The following CELF2 variants were observed in gnomAD, a reference collection of about 807,000 sequenced individuals.
CELF2 encodes CUG triplet repeat RNA-binding protein 2.
In CELF2, 8 loss-of-function variants were observed where a neutral mutation model predicts 62.6. The observed-to-expected ratio is 0.13, with a 90% CI of 0.07 to 0.23. The LOEUF (loss-of-function observed/expected upper bound fraction) is 0.23. Among genes scored for constraint, CELF2 ranks in the 10% least tolerant of loss-of-function variants. CELF2 has a pLI of 1.00. For synonymous variants in CELF2, 258 were observed against 250.0 expected (o/e 1.03, Z -0.30); for missense variants, 333 against 671.0 (o/e 0.50, Z 5.56).
At chr10:11,097,428 G>A (rs551472081) in intron 1 of CELF2, 20 of 151,988 alleles carry the variant, frequency 1.3e-4, no homozygotes, top group African/African-American at 4.1e-4. Flanking sequence ...GGAGGATTTA[G>A]GAGAAGAGAT....
At chr10:11,219,414 A>G (rs1157622913) in intron 3 of CELF2, among the ~76,000 whole-genome samples, 1 of 152,156 alleles carries the variant, frequency 6.6e-6, no homozygotes, top group Non-Finnish European at 1.5e-5. Flanking sequence ...AATTCAGGGG[A>G]GGTGATGTTA....
chr10:10,974,748 G>A (rs1043477690), intron 2 of CELF2, among the ~76,000 whole-genome samples: 2 of 152,164 alleles, frequency 1.3e-5, no homozygotes, highest in South Asian at 2.1e-4. Flanking sequence ...CTATGGTATC[G>A]AAATTAAGTA....
At chr10:10,766,563 G>T in the CELF2 span, among the ~76,000 whole-genome samples, 9 of 152,172 alleles carry the variant, frequency 5.9e-5, no homozygotes, top group Non-Finnish European at 1.3e-4. Flanking sequence ...CAGGGGAGGT[G>T]TCAGCCTCGG....
Position 11,246,196 on chromosome 10 carries a change from C to T in CELF2, c.355-2957C>T, listed in dbSNP as rs760961132. Among the ~76,000 whole-genome samples, 4 of 152,038 alleles carry T rather than the reference C, an allele frequency of 2.6e-5. No homozygotes were observed. The highest frequency in any genetic ancestry group is 4.8e-5 in the African/African-American group (2 of 41,372). On this transcript the variant is annotated intron_variant, in intron 3 of 12. Transcript: ENST00000633077. The surrounding 1 kb of genome is among the most constrained non-coding windows in gnomAD (Gnocchi z 4.6). ...GTTTTTTATGTGGATGCGTATCGAC[C>T]GCCATGATAGACTGCACACTCCCTG...
intron 1 of CELF2, among the ~76,000 whole-genome samples, chr10:11,129,710 G>T (rs1012827398): frequency 6.6e-6 from 1 of 152,154 alleles, no homozygotes; most frequent in South Asian, 2.1e-4. Context: ...ATTTCTGTGG[G>T]ATTGGTGGTG....
chr10:10,740,655 A>T, the CELF2 span, among the ~76,000 whole-genome samples: 2 of 152,240 alleles, frequency 1.3e-5, no homozygotes, highest in Non-Finnish European at 2.9e-5. Context: ...TACAATAGTC[A>T]AGATGTGGAA....
the CELF2 span, among the ~76,000 whole-genome samples, chr10:10,595,978 C>T: frequency 6.6e-6 from 1 of 152,186 alleles, no homozygotes; most frequent in African/African-American, 2.4e-5. Context: ...CTCTGATCTG[C>T]AGAAGCAGTC....
At chr10:10,576,001 G>T in the CELF2 span, among the ~76,000 whole-genome samples, 3 of 152,186 alleles carry the variant, frequency 2.0e-5, no homozygotes, top group African/African-American at 7.2e-5. Context: ...AGACATTTTA[G>T]CAGTCTCATG....
chr10:11,189,886 A>G (rs1360990780), intron 2 of CELF2, among the ~76,000 whole-genome samples: 1 of 152,220 alleles, frequency 6.6e-6, no homozygotes, highest in Non-Finnish European at 1.5e-5. Flanking sequence ...CAGGTCTTCC[A>G]TAAACCATTC....
chr10:11,065,852 G>T (rs1187259811), intron 1 of CELF2, among the ~76,000 whole-genome samples: 2 of 152,126 alleles, frequency 1.3e-5, no homozygotes, highest in Non-Finnish European at 2.9e-5. Flanking sequence ...GCCCGGGGAG[G>T]GTTGCAGTTT....
chr10:11,174,713 A>T (rs577724999), intron 2 of CELF2, among the ~76,000 whole-genome samples: 3 of 152,222 alleles, frequency 2.0e-5, no homozygotes, highest in Non-Finnish European at 4.4e-5. Flanking sequence ...CTTTACCCGC[A>T]TGTGGGTCAA....
Position 11,316,885 on chromosome 10 carries a change from A to G in CELF2, c.1096+2627A>G, listed in dbSNP as rs1420222293. 6.6e-6 allele frequency: 1 copy of G among 152,220 alleles called. No homozygotes were observed. The highest frequency in any genetic ancestry group is 6.5e-5 in the Admixed American group (1 of 15,294). The allele number at this position is 152,220 out of a possible 1,614,324, so 9.4% of individuals were successfully genotyped here. On this transcript the variant is annotated intron_variant, in intron 10 of 12. Transcript: ENST00000633077. This position sits in a 1 kb window ranked among gnomAD's most constrained non-coding sequence, Gnocchi z 4.4. ...TGATACATTAATGAGTCAAAGGGCT[A>G]AAAAACAGTACAGCGCCCTAAAAAT...
chr10:10,643,749 C>G, the CELF2 span, among the ~76,000 whole-genome samples: 3 of 152,152 alleles, frequency 2.0e-5, no homozygotes, highest in African/African-American at 4.8e-5. Flanking sequence ...ACCTACCCAG[C>G]CTTCTCCTCA....
chr10:10,660,931 A>G, the CELF2 span, among the ~76,000 whole-genome samples: 3 of 152,228 alleles, frequency 2.0e-5, no homozygotes, highest in Admixed American at 2.0e-4. Flanking sequence ...AATCACTGTC[A>G]TCTGTGTCGG....
intron 2 of CELF2, among the ~76,000 whole-genome samples, chr10:10,958,989 G>T (rs542210193): frequency 6.6e-6 from 1 of 152,330 alleles, no homozygotes; most frequent in South Asian, 2.1e-4. Context: ...GGGCACGGTG[G>T]CTCACACCTG....
the CELF2 span, among the ~76,000 whole-genome samples, chr10:10,752,373 A>G: frequency 6.6e-6 from 1 of 152,200 alleles, no homozygotes; most frequent in African/African-American, 2.4e-5. Context: ...GTGACTTAGC[A>G]GGACATGACG....
At chr10:11,062,997 A>G (rs1455107948) in intron 1 of CELF2, among the ~76,000 whole-genome samples, 1 of 152,176 alleles carries the variant, frequency 6.6e-6, no homozygotes, top group Non-Finnish European at 1.5e-5. Context: ...CCACCAGCAA[A>G]ACGATTGCAA....
intron 1 of CELF2, among the ~76,000 whole-genome samples, chr10:11,057,580 T>C (rs1007390232): frequency 6.6e-6 from 1 of 152,210 alleles, no homozygotes; most frequent in Non-Finnish European, 1.5e-5. Flanking sequence ...CCAAAGAGAA[T>C]GTTTGGCCTT....
chr10:10,640,047 C>T, the CELF2 span, among the ~76,000 whole-genome samples: 1 of 152,180 alleles, frequency 6.6e-6, no homozygotes, highest in Non-Finnish European at 1.5e-5. Context: ...AATGTCATCT[C>T]CTCCAAAAAG....
Sources: allele counts gnomAD v4.1 joint callset (sites outside exome capture counted in the v4.1 genomes callset), GRCh38; gene constraint gnomAD v4.1.1; non-coding constraint Gnocchi (gnomAD v3.1); transcripts MANE v1.5; gene names NCBI Gene and HGNC (gene_info 2026-07-23, HGNC 2026-07-21).